Variants in HIRIP3 observed in about 807,000 individuals in gnomAD.
The protein encoded by HIRIP3 is HIRA-interacting protein 3.
In HIRIP3, 40 loss-of-function variants were observed where a neutral mutation model predicts 50.3. The ratio of observed to expected loss-of-function variants is 0.79; its 90% CI spans 0.62 to 1.03. The LOEUF (loss-of-function observed/expected upper bound fraction) is 1.03. Ranked by LOEUF, HIRIP3 falls within the 50% of genes least tolerant of loss-of-function variation. The pLI is 0.00. For synonymous variants in HIRIP3, 318 were observed against 261.6 expected, an observed-to-expected ratio of 1.22 and a Z score of -2.08; for missense variants, 765 against 705.4, an observed-to-expected ratio of 1.08 and a Z score of -0.96.
rs773790804 is a variant in HIRIP3 at position 29,993,164 on chromosome 16, G to C, written c.*43C>G. 2 of 1,534,396 alleles carry C rather than the reference G, an allele frequency of 1.3e-6. No individual in the cohort carries two copies. Among genetic ancestry groups the C allele is most frequent in the Non-Finnish European group, 1.8e-6 (2 of 1,139,106 alleles). On this transcript the variant is annotated 3_prime_UTR_variant, in exon 7 of 7. Transcript: ENST00000279392. ...ACACAGGGCAAGGGGTGCTATGTATGCTTTGTACATGTATCAAGGGTCCCT... is the reference window on the plus strand; with the variant it reads ...ACACAGGGCAAGGGGTGCTATGTATCCTTTGTACATGTATCAAGGGTCCCT...
chr16:29,992,429 T>C lies in HIRIP3; in HGVS notation c.*778A>G, dbSNP rs1312644450. 7.0e-6 allele frequency: 1 copy of C among 143,674 alleles called. No homozygotes were observed. The highest frequency in any genetic ancestry group is 1.5e-5 in the Non-Finnish European group (1 of 65,482). 8.9% of individuals were successfully genotyped at this position (143,674 alleles called of 1,614,324 possible). On this transcript the variant is annotated 3_prime_UTR_variant, in exon 7 of 7. Transcript: ENST00000279392. ...CAGATCTCGGATCTCAAAGGTGGTCTTCAACCCCTTGACCTCTAATTCGTT... is the reference window on the plus strand; with the variant it reads ...CAGATCTCGGATCTCAAAGGTGGTCCTCAACCCCTTGACCTCTAATTCGTT...
chr16:29,995,888 C>G (rs544926594), upstream of HIRIP3: 377 of 578,590 alleles, frequency 6.5e-4, 2 homozygotes, highest in Non-Finnish European at 8.3e-5. Flanking sequence ...GAAACCTAAT[C>G]AGCCCGCGAC....
Position 29,994,358 on chromosome 16 carries a change from T to G in HIRIP3, c.787A>C (p.Ser263Arg). 1 of 1,614,176 alleles carries G rather than the reference T, an allele frequency of 6.2e-7. No homozygotes were observed. Among genetic ancestry groups the G allele is most frequent in the Non-Finnish European group, 8.5e-7 (1 of 1,180,028 alleles). The change falls in exon 4 of 7, where the codon AGC (serine) becomes CGC (arginine). Residue 263 changes from serine (S) to arginine (R), a missense_variant. By Grantham distance (110) the Ser-to-Arg change is moderately radical (BLOSUM62 -1). Coordinates refer to ENST00000279392, the MANE Select transcript of HIRIP3 (RefSeq NM_003609.5). Reference protein sequence around the residue: ...EKGDWKPRTRSNGRRKSAREE... With the variant: ...EKGDWKPRTRRNGRRKSAREE... The stretch of plus-strand genomic sequence containing the variant: ...CTAGCTGACTTTCTCCGGCCATTGC[T>G]CCTGGTTCTGGGTTTCCAATCCCCC...
chr16:29,995,256 T>G (rs374538636), intron 2 of HIRIP3, 39 bp from the exon 3 acceptor site: 67 of 1,613,348 alleles, frequency 4.2e-5, no homozygotes, highest in Non-Finnish European at 5.3e-5. Flanking sequence ...GCACCAAGGC[T>G]GCGCTCACCG....
rs1462636414 is a variant in HIRIP3 at position 29,993,939 on chromosome 16, G to A, written c.1206C>T (p.Ser402=). The change falls in exon 4 of 7, where the codon TCC becomes TCT. Residue 402 remains serine (S), a synonymous_variant. Coordinates refer to ENST00000279392, the MANE Select transcript of HIRIP3 (RefSeq NM_003609.5). ...CTTTGGCCTCTGGACTTCCATCTGA[G>A]GAGGAAGAGGAGCTTCGTGTCCTGC... ...RKGRTRSSSS[S]SDGSPEAKGG... 1 of 1,559,234 alleles carries A rather than the reference G, an allele frequency of 6.4e-7. No individual in the cohort carries two copies. Among genetic ancestry groups the A allele is most frequent in the Non-Finnish European group, 8.7e-7 (1 of 1,152,652 alleles).
At chr16:29,995,018 C>T (rs974085770) in intron 3 of HIRIP3, 85 bp downstream of exon 3, 46 of 1,503,612 alleles carry the variant, frequency 3.1e-5, no homozygotes, top group Non-Finnish European at 3.9e-5. Flanking sequence ...CATCTAACGC[C>T]TGGGGACATA....
At chr16:29,994,906 G>A in intron 3 of HIRIP3, 63 bp from the exon 4 acceptor site, 3 of 1,530,772 alleles carry the variant, frequency 2.0e-6, no homozygotes, top group Non-Finnish European at 2.6e-6. Flanking sequence ...CCTTCACTTC[G>A]GATAGGTTGC....
rs774202117 is a variant in HIRIP3 at position 29,993,627 on chromosome 16, C to T, written c.1408+13G>A. ...GCCCTCTCCTGCAGCCCCCAGGGCA[C>T]GCCGGGCCTCACCCTTCATGCCTAG... On this transcript the variant is annotated intron_variant, in intron 5 of 6. Coordinates refer to ENST00000279392, the MANE Select transcript of HIRIP3 (RefSeq NM_003609.5). The T allele has an allele frequency of 3.3e-5, 53 of 1,612,034 alleles. No individual in the cohort carries two copies. Among genetic ancestry groups the T allele is most frequent in the Non-Finnish European group, 4.3e-5 (51 of 1,179,526 alleles).
chr16:29,995,625 A>G, upstream of HIRIP3: 1 of 1,611,340 alleles, frequency 6.2e-7, no homozygotes. Context: ...CCCGGGATTG[A>G]CGGCTCCCGC....
Position 29,994,666 on chromosome 16 carries a change from C to T in HIRIP3, c.479G>A (p.Ser160Asn). Reference protein sequence around the residue: ...DLPAQRGEESSEEEEKGYKGK... With the variant: ...DLPAQRGEESNEEEEKGYKGK... ...CTTGTACCCCTTTTCCTCCTCCTCA[C>T]TGCTCTCCTCTCCCCTCTGTGCGGG... The change falls in exon 4 of 7, where the codon AGT (serine) becomes AAT (asparagine). Residue 160 changes from serine (S) to asparagine (N), a missense_variant. By Grantham distance (46) the Ser-to-Asn change is conservative. Transcript: ENST00000279392. 6.2e-7 allele frequency: 1 copy of T among 1,614,154 alleles called. No individual in the cohort carries two copies. Among genetic ancestry groups the T allele is most frequent in the Admixed American group, 1.7e-5 (1 of 60,014 alleles).
chr16:29,994,356 G>T lies in HIRIP3; in HGVS notation c.789C>A (p.Ser263Arg). 6.2e-7 allele frequency: 1 copy of T among 1,614,080 alleles called. No individual in the cohort carries two copies. Among genetic ancestry groups the T allele is most frequent in the Non-Finnish European group, 8.5e-7 (1 of 1,180,032 alleles). ...EKGDWKPRTR[S>R]NGRRKSAREE... ...CCCTAGCTGACTTTCTCCGGCCATT[G>T]CTCCTGGTTCTGGGTTTCCAATCCC... The change falls in exon 4 of 7, where the codon AGC becomes AGA. Residue 263 changes from serine (S) to arginine (R), a missense_variant. Physicochemically the swap from Ser to Arg is moderately radical, Grantham distance 110. Transcript: ENST00000279392.
upstream of HIRIP3, chr16:29,995,733 G>A (rs913801074): frequency 8.2e-5 from 99 of 1,210,620 alleles, 1 homozygote; most frequent in Middle Eastern, 2.8e-4. Context: ...GCCCTTGGCC[G>A]CGGACCGCGT....
Position 29,993,692 on chromosome 16 carries a change from G to T in HIRIP3, c.1356C>A (p.His452Gln). Reference protein sequence around the residue: ...YKKLLGSCCSHKERLSILRAE... With the variant: ...YKKLLGSCCSQKERLSILRAE... ...CCCGGAGGATACTCAGGCGCTCCTT[G>T]TGTGAGCAACAGGAGCCCAACAGCT... is the stretch of plus-strand genomic sequence containing the variant. Residue 452 changes from histidine to glutamine, a missense_variant, in exon 5 of 7, where the codon CAC (histidine) becomes CAA (glutamine). Physicochemically the swap from His to Gln is conservative, Grantham distance 24. Transcript: ENST00000279392. 6.2e-7 allele frequency: 1 copy of T among 1,610,444 alleles called. No individual in the cohort carries two copies.
rs1231918363 is a variant in HIRIP3 at position 29,993,996 on chromosome 16, C to T, written c.1149G>A (p.Lys383=). The T allele has an allele frequency of 1.3e-6, 2 of 1,584,732 alleles. No homozygotes were observed. Among genetic ancestry groups the T allele is most frequent in the Non-Finnish European group, 1.7e-6 (2 of 1,166,316 alleles). The change falls in exon 4 of 7, where the codon AAG becomes AAA. Residue 383 remains lysine, a synonymous_variant. Coordinates refer to ENST00000279392, the MANE Select transcript of HIRIP3 (RefSeq NM_003609.5). ...TGGAGCTCTTCTTGGAAGAGCGGTTCTTCCTCTCCCCCTGGGGGCCTCCCC... is the reference window on the plus strand; with the variant it reads ...TGGAGCTCTTCTTGGAAGAGCGGTTTTTCCTCTCCCCCTGGGGGCCTCCCC... ...EAGGGPQGER[K]NRSSKKSSRK...
At chr16:29,993,862 T>TC in intron 4 of HIRIP3, 44 bp downstream of exon 4, 1 of 1,605,180 alleles carries the variant, frequency 6.2e-7, no homozygotes, top group South Asian at 1.1e-5. Flanking sequence ...AGGCAGGGTC[T>TC]CCCTCTTCCC....
Position 29,993,945 on chromosome 16 carries a change from A to G in HIRIP3, c.1200T>C (p.Ser400=), listed in dbSNP as rs1428463166. Residue 400 remains serine (S), a synonymous_variant, in exon 4 of 7, where the codon TCT becomes TCC. Transcript: ENST00000279392. ...SSRKGRTRSS[S]SSSDGSPEAK... ...CCTCTGGACTTCCATCTGAGGAGGA[A>G]GAGGAGCTTCGTGTCCTGCCTTTCC... 6.4e-7 allele frequency: 1 copy of G among 1,560,616 alleles called. No homozygotes were observed. Among genetic ancestry groups the G allele is most frequent in the African/African-American group, 1.4e-5 (1 of 73,132 alleles).
rs551205578 is a variant in HIRIP3, at chr16:29,994,502, T to C, written c.643A>G (p.Lys215Glu). The change falls in exon 4 of 7, where the codon AAA (lysine) becomes GAA (glutamate). Residue 215 changes from lysine to glutamate, a missense_variant. By Grantham distance (56) the Lys-to-Glu change is moderately conservative (BLOSUM62 1). Coordinates refer to ENST00000279392, the MANE Select transcript of HIRIP3 (RefSeq NM_003609.5). ...QRTAKKVEGN[K>E]GTKSLKESEQ... is the part of the protein sequence containing the mutation. Reference sequence around the variant, plus strand: ...CTTTCCTTCAGGCTTTTAGTTCCTTTATTTCCCTCCACCTTCTTTGCTGTC... The same window carrying C: ...CTTTCCTTCAGGCTTTTAGTTCCTTCATTTCCCTCCACCTTCTTTGCTGTC... The C allele has an allele frequency of 3.7e-6, 6 of 1,614,196 alleles. No homozygotes were observed. The East Asian group carries it at 1.1e-4, about 30-fold the overall frequency.
rs897048191 is a variant in HIRIP3, at chr16:29,993,969, C to T, written c.1176G>A (p.Arg392=). The T allele has an allele frequency of 3.8e-6, 6 of 1,563,812 alleles. No homozygotes were observed. The highest frequency in any genetic ancestry group is 1.4e-5 in the African/African-American group (1 of 73,092). Reference sequence around the variant, plus strand: ...AAGAGGAGCTTCGTGTCCTGCCTTTCCTGGAGCTCTTCTTGGAAGAGCGGT... The same window carrying T: ...AAGAGGAGCTTCGTGTCCTGCCTTTTCTGGAGCTCTTCTTGGAAGAGCGGT... ...RKNRSSKKSS[R]KGRTRSSSSS... The change falls in exon 4 of 7, where the codon AGG becomes AGA. Residue 392 remains arginine (R), a synonymous_variant. Coordinates refer to ENST00000279392, the MANE Select transcript of HIRIP3 (RefSeq NM_003609.5).
chr16:29,995,627 G>T (rs1180617605), upstream of HIRIP3: 1 of 1,611,284 alleles, frequency 6.2e-7, no homozygotes, highest in South Asian at 1.1e-5. Context: ...CGGGATTGAC[G>T]GCTCCCGCCT....
Sources: allele counts gnomAD v4.1 joint callset, GRCh38; gene constraint gnomAD v4.1.1; transcripts MANE v1.5; gene names NCBI Gene and HGNC (gene_info 2026-07-23, HGNC 2026-07-21).